DCDC1: variants seen among roughly 807,000 people sequenced by gnomAD.
The protein encoded by DCDC1 is doublecortin domain-containing protein 1.
In DCDC1, 200 loss-of-function variants were observed where a neutral mutation model predicts 178.3. The ratio of observed to expected loss-of-function variants is 1.12; its 90% CI spans 1.00 to 1.26. The LOEUF (loss-of-function observed/expected upper bound fraction) is 1.26, where lower values mean the gene tolerates loss of function less well. Among genes scored for constraint, DCDC1 ranks in the 50% most tolerant of loss-of-function variants. The probability of loss-of-function intolerance (pLI) is 0.00; values close to 1 mark genes in which losing one functional copy is unlikely to be tolerated. For synonymous variants in DCDC1, 690 were observed against 604.8 expected, an observed-to-expected ratio of 1.14 and a Z score of -2.07; for missense variants, 1,983 against 1,749.2, an observed-to-expected ratio of 1.13 and a Z score of -2.38.
chr11:31,156,960 AG>A (rs376837934), intron 9 of DCDC1, among the ~76,000 whole-genome samples: 53 of 152,360 alleles, frequency 3.5e-4, no homozygotes, highest in African/African-American at 1.2e-3. Flanking sequence ...AGAATATCAA[AG>A]GAATGAAAGT....
At chr11:31,029,174 T>C (rs1357022945) in intron 20 of DCDC1, among the ~76,000 whole-genome samples, 1 of 152,050 alleles carries the variant, frequency 6.6e-6, no homozygotes, top group Non-Finnish European at 1.5e-5. Context: ...TCAACACAAA[T>C]GATAACCTTC....
chr11:31,111,186 G>A lies in DCDC1; in HGVS notation c.1486-825C>T, dbSNP rs2135803837. Among the ~76,000 whole-genome samples the A allele has an allele frequency of 1.3e-5, 2 of 151,598 alleles. 1 individual carries two copies. The highest frequency in any genetic ancestry group is 4.2e-4 in the South Asian group (2 of 4,802). On this transcript the variant is annotated intron_variant, in intron 11 of 38. Transcript: ENST00000684477. ...CTGCTTTTTATTTTTTTTCTCAAAA[G>A]TTCTTTTCTTCCCTCTCTGATATGC...
At chr11:31,085,061 A>G (rs531158615) in intron 17 of DCDC1, among the ~76,000 whole-genome samples, 1 of 151,802 alleles carries the variant, frequency 6.6e-6, no homozygotes, top group Admixed American at 6.6e-5. Context: ...GACCTAGGCC[A>G]TTGATGAACT....
chr11:31,084,101 T>A (rs912519940), intron 17 of DCDC1, among the ~76,000 whole-genome samples: 2 of 152,082 alleles, frequency 1.3e-5, no homozygotes, highest in Non-Finnish European at 2.9e-5. Flanking sequence ...AAAGGGAAAA[T>A]ACACACGAGC....
chr11:30,978,779 A>AACACACACACAC (rs56058117), intron 20 of DCDC1, among the ~76,000 whole-genome samples: 30 of 119,026 alleles, frequency 2.5e-4, no homozygotes, highest in African/African-American at 9.0e-4. Flanking sequence ...GTCCCCCCTC[A>AACACACACACAC]ACACACACAC....
intron 20 of DCDC1, among the ~76,000 whole-genome samples, chr11:31,027,368 C>T (rs1212389781): frequency 6.6e-6 from 1 of 151,712 alleles, no homozygotes; most frequent in Non-Finnish European, 1.5e-5. Flanking sequence ...AGGATGAGGC[C>T]TGATACATAT....
At chr11:30,930,649 CTGAACCATGCATTTTAAAACAT>C (rs1287533185) in intron 22 of DCDC1, among the ~76,000 whole-genome samples, 2 of 152,074 alleles carry the variant, frequency 1.3e-5, no homozygotes, top group African/African-American at 4.8e-5. Flanking sequence ...GATTACCTGA[CTGAACCATGCATTTTAAAACAT>C]TGATGTGATA....
At chr11:31,215,657 G>A (rs1195797159) in intron 9 of DCDC1, among the ~76,000 whole-genome samples, 1 of 152,012 alleles carries the variant, frequency 6.6e-6, no homozygotes, top group Non-Finnish European at 1.5e-5. Flanking sequence ...GCCGGGCATG[G>A]TGGTGTGCGC....
intron 13 of DCDC1, 43 bp downstream of exon 13, chr11:31,106,754 C>T (rs753709467): frequency 1.1e-5 from 8 of 758,300 alleles, no homozygotes; most frequent in South Asian, 2.7e-5. Flanking sequence ...ATTAGCTCTC[C>T]CCTGGAAAGA....
chr11:31,246,467 C>T (rs1170523677), intron 8 of DCDC1, among the ~76,000 whole-genome samples: 1 of 143,386 alleles, frequency 7.0e-6, no homozygotes, highest in Non-Finnish European at 1.5e-5. Flanking sequence ...ATTCAATTGG[C>T]TTTTTTTTTT....
At chr11:30,957,161 G>C (rs1276633548) in intron 20 of DCDC1, among the ~76,000 whole-genome samples, 1 of 152,004 alleles carries the variant, frequency 6.6e-6, no homozygotes, top group African/African-American at 2.4e-5. Context: ...CCCTCATCTA[G>C]GACTTTGCTC....
chr11:31,359,441 G>A (rs1189400600), intron 1 of DCDC1, among the ~76,000 whole-genome samples: 1 of 121,916 alleles, frequency 8.2e-6, no homozygotes, highest in African/African-American at 3.0e-5. Flanking sequence ...TTGTGGGGTG[G>A]GGGGAGGGGG....
At chr11:30,922,789 CA>C (rs1266733167) in intron 23 of DCDC1, among the ~76,000 whole-genome samples, 151 bp from the exon 24 acceptor site, 2 of 151,934 alleles carry the variant, frequency 1.3e-5, no homozygotes, top group Non-Finnish European at 2.9e-5. Context: ...TCAGTACTTT[CA>C]AAAAAATCAA....
intron 20 of DCDC1, among the ~76,000 whole-genome samples, chr11:31,058,992 G>C (rs17388305): frequency 0.015 from 2,281 of 152,066 alleles, 51 homozygotes; most frequent in African/African-American, 0.051. Context: ...TAAGAGTAGA[G>C]CATCGCATTC....
At chr11:31,000,761 T>C (rs554791315) in intron 20 of DCDC1, among the ~76,000 whole-genome samples, 184 of 152,202 alleles carry the variant, frequency 1.2e-3, no homozygotes, top group African/African-American at 4.0e-3. Flanking sequence ...GACTGAGCCA[T>C]GTTCCAATTA....
intron 8 of DCDC1, among the ~76,000 whole-genome samples, chr11:31,244,237 T>G (rs552045797): frequency 5.3e-5 from 8 of 151,864 alleles, no homozygotes; most frequent in African/African-American, 1.9e-4. Flanking sequence ...ATTGATTTTT[T>G]AAAAAAGAAG....
chr11:31,309,190 G>A (rs983956221), intron 3 of DCDC1, among the ~76,000 whole-genome samples: 12 of 148,430 alleles, frequency 8.1e-5, no homozygotes, highest in Non-Finnish European at 1.6e-4. Context: ...TCACACAGTG[G>A]ACCCAGGGGA....
chr11:30,950,968 T>G (rs921795365), intron 21 of DCDC1, among the ~76,000 whole-genome samples: 6 of 152,020 alleles, frequency 3.9e-5, no homozygotes, highest in African/African-American at 7.2e-5. Flanking sequence ...AAACATCACA[T>G]GTATCTCATA....
At chr11:31,142,488 ATGTGTG>A (rs59196732) in intron 9 of DCDC1, among the ~76,000 whole-genome samples, 1 of 150,368 alleles carries the variant, frequency 6.7e-6, no homozygotes, top group Non-Finnish European at 1.5e-5. Flanking sequence ...GTGTGTGTGT[ATGTGTG>A]TGTGTGTGTG....
Sources: gnomAD v4.1 joint callset for allele counts (sites outside exome capture counted in the v4.1 genomes callset) on GRCh38, gnomAD v4.1.1 for gene constraint, MANE v1.5 for transcripts, NCBI Gene and HGNC (gene_info 2026-07-23, HGNC 2026-07-21) for gene names.